Variants in LRRC53 observed in about 807,000 individuals in gnomAD.
LRRC53 encodes the protein leucine-rich repeat-containing protein 53.
LRRC53 carries 25 observed loss-of-function variants against 13.6 expected under a neutral mutation model. That is an observed-to-expected ratio of 1.83 (90% CI 1.34 to 2.56). The LOEUF (loss-of-function observed/expected upper bound fraction) is 2.56, where lower values mean the gene tolerates loss of function less well. Among genes scored for constraint, LRRC53 ranks in the 30% most tolerant of loss-of-function variants. The pLI is 0.00. For synonymous variants in LRRC53, 204 were observed against 109.8 expected (o/e 1.86, Z -5.37); for missense variants, 527 against 275.8 (o/e 1.91, Z -6.45).
At chr1:74,503,846 G>A (rs962804737) in intron 1 of LRRC53, among the ~76,000 whole-genome samples, 4 of 152,154 alleles carry the variant, frequency 2.6e-5, no homozygotes. Context: ...GTGGTATGGG[G>A]CTGAAAAGGG....
chr1:74,476,421 G>A (rs1002590795), intron 3 of LRRC53, among the ~76,000 whole-genome samples: 5 of 152,070 alleles, frequency 3.3e-5, no homozygotes, highest in African/African-American at 1.2e-4. Flanking sequence ...CTTATGAGGT[G>A]TATTATTCTG....
intron 1 of LRRC53, among the ~76,000 whole-genome samples, chr1:74,494,063 G>A (rs1669211907): frequency 6.6e-6 from 1 of 152,114 alleles, no homozygotes; most frequent in Admixed American, 6.5e-5. Context: ...TAGATACCCT[G>A]AAGAGTGCAT....
the LRRC53 span, among the ~76,000 whole-genome samples, chr1:74,535,425 G>A: frequency 6.6e-6 from 1 of 152,120 alleles, no homozygotes; most frequent in African/African-American, 2.4e-5. Context: ...AGCCGAGATT[G>A]CATCACTGCA....
intron 1 of LRRC53, among the ~76,000 whole-genome samples, chr1:74,499,240 C>G (rs1013357499): frequency 3.9e-5 from 6 of 152,194 alleles, no homozygotes; most frequent in Admixed American, 2.6e-4. Flanking sequence ...TTCCTTGGCT[C>G]AAGCAATCCT....
chr1:74,504,837 C>T (rs939646236), intron 1 of LRRC53, among the ~76,000 whole-genome samples: 1 of 152,190 alleles, frequency 6.6e-6, no homozygotes, highest in Non-Finnish European at 1.5e-5. Flanking sequence ...CTAAAATGCA[C>T]TCCCTCCTAA....
At chr1:74,498,893 T>A (rs1669468943) in intron 1 of LRRC53, among the ~76,000 whole-genome samples, 1 of 152,210 alleles carries the variant, frequency 6.6e-6, no homozygotes, top group South Asian at 2.1e-4. Flanking sequence ...TAACAAAAGG[T>A]AATGTTCCTT....
chr1:74,498,059 C>A (rs1315541214), intron 1 of LRRC53, among the ~76,000 whole-genome samples: 2 of 152,106 alleles, frequency 1.3e-5, no homozygotes, highest in African/African-American at 4.8e-5. Flanking sequence ...GAGCTGGGAC[C>A]AGAATGTTGA....
chr1:74,474,822 C>T (rs906611348), intron 4 of LRRC53, among the ~76,000 whole-genome samples: 2 of 151,960 alleles, frequency 1.3e-5, no homozygotes, highest in South Asian at 2.1e-4. Flanking sequence ...AAGCAAAGTA[C>T]GTTTCTTGAC....
At chr1:74,490,253 A>G (rs1039245934) in intron 1 of LRRC53, among the ~76,000 whole-genome samples, 1 of 152,106 alleles carries the variant, frequency 6.6e-6, no homozygotes, top group Non-Finnish European at 1.5e-5. Flanking sequence ...CAGTACTGGG[A>G]CTTACAGAAA....
At chr1:74,502,179 C>A (rs984897731) in intron 1 of LRRC53, among the ~76,000 whole-genome samples, 1 of 152,036 alleles carries the variant, frequency 6.6e-6, no homozygotes, top group South Asian at 2.1e-4. Context: ...CTTAGAAAAT[C>A]GTTTTCTTTT....
At chr1:74,473,876 G>T (rs1037481415) in intron 4 of LRRC53, among the ~76,000 whole-genome samples, 1 of 152,098 alleles carries the variant, frequency 6.6e-6, no homozygotes, top group African/African-American at 2.4e-5. Flanking sequence ...TATTAGTCTA[G>T]ATCTAAAGTC....
intron 1 of LRRC53, among the ~76,000 whole-genome samples, chr1:74,491,252 G>T (rs45621337): frequency 6.6e-6 from 1 of 152,082 alleles, no homozygotes; most frequent in Non-Finnish European, 1.5e-5. Flanking sequence ...AGAGAGTCTC[G>T]CTCTGTCTCC....
In LRRC53 at chr1:74,492,170, G is replaced by A. The variant is rs375373524; in HGVS notation, c.-26-8795C>T. On this transcript the variant is annotated intron_variant, in intron 1 of 4. Coordinates refer to ENST00000294635, the MANE Select transcript of LRRC53 (RefSeq NM_001382280.1). The stretch of plus-strand genomic sequence containing the variant: ...TCTTCTTCTGATTGCCTGGTGAACC[G>A]GGGAGGACCTGGCCGGAGTCATGTG... 3.9e-5 allele frequency: 63 copies of A among 1,612,506 alleles called. No individual in the cohort carries two copies. The highest frequency in any genetic ancestry group is 4.9e-5 in the Non-Finnish European group (58 of 1,178,990).
At chr1:74,496,348 C>A (rs17095443) in intron 1 of LRRC53, among the ~76,000 whole-genome samples, 3,105 of 152,266 alleles carry the variant, frequency 0.02, 96 homozygotes, top group African/African-American at 0.071. Context: ...GTACCACTAA[C>A]TTCTGATCTT....
the LRRC53 span, among the ~76,000 whole-genome samples, chr1:74,530,649 G>A: frequency 2.6e-5 from 4 of 151,968 alleles, no homozygotes; most frequent in Non-Finnish European, 5.9e-5. Flanking sequence ...TTCCTTCTTG[G>A]TAAGATGGTA....
Position 74,470,951 on chromosome 1 carries a change from G to A in LRRC53, c.2671C>T (p.Gln891Ter). 2.5e-6 allele frequency: 1 copy of A among 400,656 alleles called. No individual in the cohort carries two copies. Among genetic ancestry groups the A allele is most frequent in the Middle Eastern group, 3.1e-4 (1 of 3,220 alleles). The allele number at this position is 400,656 out of a possible 1,614,324, so 24.8% of individuals were successfully genotyped here. Residue 891 changes from glutamine to a stop codon, truncating the protein, a stop_gained, in exon 5 of 5, where the codon CAA (glutamine) becomes TAA (stop). Coordinates refer to ENST00000294635, the MANE Select transcript of LRRC53 (RefSeq NM_001382280.1). LOFTEE classifies it low-confidence loss of function (END_TRUNC). ...ENTGSDVLPF[Q>*]HSRRATDQGT... The stretch of plus-strand genomic sequence containing the variant: ...TGGTCAGTAGCCCTCCTGGAATGTT[G>A]GAATGGTAAAACATCACTTCCTGTA...
chr1:74,517,380 T>G (rs1357904381), upstream of LRRC53, among the ~76,000 whole-genome samples: 2 of 152,210 alleles, frequency 1.3e-5, no homozygotes, highest in African/African-American at 4.8e-5. Flanking sequence ...AAAAATTTTC[T>G]GGCATTAGCT....
chr1:74,524,830 G>A, the LRRC53 span, among the ~76,000 whole-genome samples: 412 of 152,244 alleles, frequency 2.7e-3, 1 homozygote, highest in African/African-American at 9.3e-3. Context: ...GGTAGGACTT[G>A]GAGATTTACT....
At chr1:74,529,827 A>G in the LRRC53 span, among the ~76,000 whole-genome samples, 1 of 152,196 alleles carries the variant, frequency 6.6e-6, no homozygotes, top group Non-Finnish European at 1.5e-5. Context: ...GTCTTTGCAC[A>G]TGCCCCTGCT....
Sources: gnomAD v4.1 joint callset for allele counts (sites outside exome capture counted in the v4.1 genomes callset) on GRCh38, gnomAD v4.1.1 for gene constraint, MANE v1.5 for transcripts, NCBI Gene and HGNC (gene_info 2026-07-23, HGNC 2026-07-21) for gene names.